Variants in EFCAB8 observed in about 807,000 individuals in gnomAD.
EFCAB8 encodes the protein EF-hand calcium-binding domain-containing protein 8.
EFCAB8 carries 100 observed loss-of-function variants against 116.3 expected under a neutral mutation model. That is an observed-to-expected ratio of 0.86 (90% CI 0.73 to 1.02). The LOEUF is 1.02. EFCAB8 is among the 50% of genes least tolerant of loss of function. The probability of loss-of-function intolerance (pLI) is 0.00; values close to 1 mark genes in which losing one functional copy is unlikely to be tolerated. For synonymous variants in EFCAB8, 558 were observed against 567.9 expected (o/e 0.98, Z 0.25); for missense variants, 1,320 against 1,416.9 (o/e 0.93, Z 1.10).
intron 15 of EFCAB8, 100 bp from the exon 16 acceptor site, chr20:32,911,380 C>T: frequency 4.6e-6 from 5 of 1,077,212 alleles, no homozygotes; most frequent in Non-Finnish European, 6.4e-6. Flanking sequence ...CGTCTGTTTT[C>T]TCAGTGGATG....
chr20:32,874,736 A>G lies in EFCAB8; in HGVS notation c.209-1190A>G, dbSNP rs1376668385. ...TTTGTTTTTGTTTTTAAAAATATTT[A>G]AATATTTATTTTCTTTCTTCCTTTC... On this transcript the variant is annotated intron_variant, in intron 3 of 26. Transcript: ENST00000400522. Among the ~76,000 whole-genome samples, 12 of 149,954 alleles carry G rather than the reference A, an allele frequency of 8.0e-5. 1 individual carries two copies.
intron 23 of EFCAB8, among the ~76,000 whole-genome samples, chr20:32,952,356 A>G (rs1487746627): frequency 6.6e-6 from 1 of 152,086 alleles, no homozygotes; most frequent in East Asian, 1.9e-4. Flanking sequence ...TTTCCACTAT[A>G]TTTTCTTCTA....
rs573589541 is a variant in EFCAB8, at chr20:32,863,807, C to T, written c.15C>T (p.Asp5=). The T allele has an allele frequency of 1.4e-5, 22 of 1,551,352 alleles. No homozygotes were observed. The African/African-American group carries it at 2.6e-4, about 18-fold the overall frequency. The change falls in exon 2 of 27, where the codon GAC becomes GAT. Residue 5 remains aspartate (D), a synonymous_variant. Coordinates refer to ENST00000400522, the MANE Select transcript of EFCAB8 (RefSeq NM_001143967.2). ...GGTCAAGGCTAATGTCTTCTGAAGACTTAGCAGAGATCCCTCAACTCCAAA... is the reference window on the plus strand; with the variant it reads ...GGTCAAGGCTAATGTCTTCTGAAGATTTAGCAGAGATCCCTCAACTCCAAA... MSSE[D]LAEIPQLQKL...
intron 15 of EFCAB8, among the ~76,000 whole-genome samples, chr20:32,910,923 AGACAGG>A (rs1036588137): frequency 2.0e-5 from 3 of 151,894 alleles, no homozygotes; most frequent in Admixed American, 2.0e-4. Flanking sequence ...TTTTTAGTAG[AGACAGG>A]GTTTCAGCAT....
At chr20:32,898,464 G>A (rs952052140) in intron 10 of EFCAB8, 29 bp from the exon 11 acceptor site, 1 of 710,936 alleles carries the variant, frequency 1.4e-6, no homozygotes, top group South Asian at 1.5e-5. Flanking sequence ...CTTGGGTGGA[G>A]TCTCCCACCA....
At chr20:32,901,994 T>A (rs958332799) in intron 11 of EFCAB8, among the ~76,000 whole-genome samples, 1 of 152,246 alleles carries the variant, frequency 6.6e-6, no homozygotes, top group Non-Finnish European at 1.5e-5. Context: ...CCTTGTTTTT[T>A]AAATTAATTA....
intron 3 of EFCAB8, among the ~76,000 whole-genome samples, chr20:32,875,450 G>C (rs1351346390): frequency 6.6e-6 from 1 of 150,648 alleles, no homozygotes; most frequent in Non-Finnish European, 1.5e-5. Context: ...AGGACCGTAG[G>C]GGAGGCAGCA....
chr20:32,939,147 C>CTTT (rs1290252620), intron 22 of EFCAB8, among the ~76,000 whole-genome samples: 1 of 56,190 alleles, frequency 1.8e-5, no homozygotes, highest in African/African-American at 8.6e-5. Context: ...TTCTTTCTTT[C>CTTT]TTTCTTTCTT....
chr20:32,955,007 T>C (rs1304267217), intron 23 of EFCAB8, among the ~76,000 whole-genome samples: 1 of 90 alleles, frequency 0.011, no homozygotes, highest in Non-Finnish European at 0.019. Context: ...GTCCTGGACA[T>C]CTATCCTCCC....
intron 13 of EFCAB8, 125 bp from the exon 14 acceptor site, chr20:32,908,150 T>G: frequency 1.1e-6 from 1 of 891,608 alleles, no homozygotes; most frequent in Non-Finnish European, 1.5e-6. Context: ...CATGTGTGTG[T>G]GTTAGAAGTG....
At chr20:32,897,102 C>G (rs1299543196) in intron 10 of EFCAB8, among the ~76,000 whole-genome samples, 1 of 152,156 alleles carries the variant, frequency 6.6e-6, no homozygotes, top group Non-Finnish European at 1.5e-5. Context: ...GCCTTCAGGC[C>G]GCGGGGCTCT....
At position 32,939,180 on chromosome 20, in the gene EFCAB8, TTTCTTTCTTTCTTTCTTTCTTTC is replaced by T. The variant is rs1568941701; in HGVS notation, c.2791-4455_2791-4433del. 1.7e-4 allele frequency among the ~76,000 whole-genome samples: 16 copies of T among 94,238 alleles called. 1 individual carries two copies. Among genetic ancestry groups the T allele is most frequent in the African/African-American group, 3.1e-4 (7 of 22,456 alleles). The allele number at this position is 94,238 out of a possible 152,430, so 61.8% of individuals were successfully genotyped here. A position where few individuals can be genotyped will look rare whatever the true frequency, so the allele number is the denominator to read the frequency against. On this transcript the variant is annotated intron_variant, in intron 22 of 26. Coordinates refer to ENST00000400522, the MANE Select transcript of EFCAB8 (RefSeq NM_001143967.2). ...CTTTCTTTCTTTCTTTCTTTCTTTC[TTTCTTTCTTTCTTTCTTTCTTTC>T]CTCTCTCTCTCTCTCTCTCTCTCTT...
At chr20:32,884,435 T>C (rs1222755015) in intron 5 of EFCAB8, among the ~76,000 whole-genome samples, 1 of 152,222 alleles carries the variant, frequency 6.6e-6, no homozygotes, top group East Asian at 1.9e-4. Context: ...CTGACAGAAG[T>C]GGCAGGGTTG....
intron 5 of EFCAB8, among the ~76,000 whole-genome samples, chr20:32,879,101 T>C (rs1985172947): frequency 6.6e-6 from 1 of 152,186 alleles, no homozygotes. Flanking sequence ...TTTGGCCCTC[T>C]CAGCCCCCAT....
At chr20:32,900,939 T>C (rs1001892235) in intron 11 of EFCAB8, among the ~76,000 whole-genome samples, 14 of 152,224 alleles carry the variant, frequency 9.2e-5, no homozygotes, top group Non-Finnish European at 1.3e-4. Context: ...CTTGACCTCG[T>C]GATCCGCCCA....
At position 32,885,676 on chromosome 20, in the gene EFCAB8, T is replaced by C. The variant is rs777626884; in HGVS notation, c.567+36T>C. On this transcript the variant is annotated intron_variant, in intron 6 of 26. Coordinates refer to ENST00000400522, the MANE Select transcript of EFCAB8 (RefSeq NM_001143967.2). Reference sequence around the variant, plus strand: ...CCCCTACACATGGTGCACACATGGGTGATTGGAGAGCCTCTGCCTTAGCAC... The same window carrying C: ...CCCCTACACATGGTGCACACATGGGCGATTGGAGAGCCTCTGCCTTAGCAC... 5 of 1,548,300 alleles carry C rather than the reference T, an allele frequency of 3.2e-6. No individual in the cohort carries two copies. In the South Asian group the frequency reaches 4.8e-5, roughly 15 times the overall value.
intron 20 of EFCAB8, among the ~76,000 whole-genome samples, chr20:32,920,544 A>G (rs931329266): frequency 2.6e-5 from 4 of 152,152 alleles, no homozygotes; most frequent in African/African-American, 4.8e-5. Flanking sequence ...TGCTTCTTAC[A>G]TGGCAGCAGC....
intron 2 of EFCAB8, among the ~76,000 whole-genome samples, chr20:32,866,259 G>T (rs1984395972): frequency 6.6e-6 from 1 of 152,192 alleles, no homozygotes; most frequent in Non-Finnish European, 1.5e-5. Flanking sequence ...GCTAAGTGGG[G>T]GAGAGTGAGC....
chr20:32,954,165 GC>G (rs1474569234), intron 23 of EFCAB8, among the ~76,000 whole-genome samples: 1 of 151,980 alleles, frequency 6.6e-6, no homozygotes, highest in Non-Finnish European at 1.5e-5. Flanking sequence ...TGCTTTCATT[GC>G]CTGTTTTTTT....
Sources: gnomAD v4.1 joint callset for allele counts (sites outside exome capture counted in the v4.1 genomes callset) on GRCh38, gnomAD v4.1.1 for gene constraint, MANE v1.5 for transcripts, NCBI Gene and HGNC (gene_info 2026-07-23, HGNC 2026-07-21) for gene names.